TMEM68: variants seen among roughly 807,000 people sequenced by gnomAD.
TMEM68 encodes the protein DGAT1/2-independent enzyme synthesizing storage lipids.
Under a neutral mutation model 36.9 loss-of-function variants are expected in TMEM68, and 25 were observed. The ratio of observed to expected loss-of-function variants is 0.68; its 90% confidence interval spans 0.49 to 0.95. The LOEUF (loss-of-function observed/expected upper bound fraction) is 0.95. TMEM68 is among the 40% of genes least tolerant of loss of function. TMEM68 has a pLI of 0.00. For synonymous variants in TMEM68, 131 were observed against 124.4 expected, an observed-to-expected ratio of 1.05 and a Z score of -0.35; for missense variants, 333 against 392.0, an observed-to-expected ratio of 0.85 and a Z score of 1.27.
chr8:55,767,361 G>A (rs1265575959), intron 1 of TMEM68, among the ~76,000 whole-genome samples: 5 of 151,810 alleles, frequency 3.3e-5, no homozygotes, highest in East Asian at 1.9e-4. Flanking sequence ...ATTATTATTC[G>A]CTTGCTTGTG....
chr8:55,743,368 G>A lies in TMEM68; in HGVS notation c.888+113C>T, dbSNP rs76192918. On this transcript the variant is annotated intron_variant, in intron 7 of 7. Coordinates refer to ENST00000434581, the MANE Select transcript of TMEM68 (RefSeq NM_001286657.2). ...AGGGTATACAATCACCTCTGGTTGAGAACCACTGACCTAGACATGCTTGTA... is the reference window on the plus strand; with the variant it reads ...AGGGTATACAATCACCTCTGGTTGAAAACCACTGACCTAGACATGCTTGTA... 1,168 of 1,315,472 alleles carry A rather than the reference G, an allele frequency of 8.9e-4. 13 individuals carry two copies. The African/African-American group carries it at 0.016, about 18-fold the overall frequency. The allele number at this position is 1,315,472 out of a possible 1,614,324, so 81.5% of individuals were successfully genotyped here.
intron 1 of TMEM68, among the ~76,000 whole-genome samples, chr8:55,768,785 G>A (rs1180405014): frequency 1.3e-5 from 2 of 151,808 alleles, no homozygotes; most frequent in African/African-American, 2.4e-5. Flanking sequence ...GGTGGAGAGT[G>A]CAGTGAGCCG....
chr8:55,767,269 C>T (rs772442082), intron 1 of TMEM68, among the ~76,000 whole-genome samples: 12 of 152,260 alleles, frequency 7.9e-5, no homozygotes, highest in Middle Eastern at 3.4e-3. Flanking sequence ...TTATTATTCA[C>T]TTATAAGCAT....
chr8:55,750,184 TA>T (rs1315485989), intron 5 of TMEM68, among the ~76,000 whole-genome samples: 1 of 152,210 alleles, frequency 6.6e-6, no homozygotes, highest in African/African-American at 2.4e-5. Context: ...AATTTTTGTA[TA>T]ACTGCATATA....
rs372665916 is a variant in TMEM68 at position 55,760,141 on chromosome 8, T to C, written c.325+2494A>G. On this transcript the variant is annotated intron_variant, in intron 3 of 7. Coordinates refer to ENST00000434581, the MANE Select transcript of TMEM68 (RefSeq NM_001286657.2). ...ATATGGCTACCAAGGCCAACAAATT[T>C]ACTTCTTACAGCAACGCTGTGCTGT... 3.0e-4 allele frequency among the ~76,000 whole-genome samples: 45 copies of C among 152,386 alleles called. 1 individual carries two copies. The Middle Eastern group carries it at 0.01, about 35-fold the overall frequency.
chr8:55,753,558 C>G (rs11988609), intron 4 of TMEM68, among the ~76,000 whole-genome samples: 1,995 of 152,180 alleles, frequency 0.013, 40 homozygotes, highest in African/African-American at 0.046. Flanking sequence ...CATGGATACC[C>G]AAAGCATTAA....
chr8:55,765,418 A>T (rs1810933961), intron 1 of TMEM68, among the ~76,000 whole-genome samples: 1 of 152,208 alleles, frequency 6.6e-6, no homozygotes, highest in Non-Finnish European at 1.5e-5. Context: ...CATGTACGGT[A>T]ACCCCTGTGC....
rs766324081 is a variant in TMEM68, at chr8:55,751,027, T to C, written c.624A>G (p.Glu208=). 6.2e-7 allele frequency: 1 copy of C among 1,613,998 alleles called. No homozygotes were observed. Among genetic ancestry groups the C allele is most frequent in the Non-Finnish European group, 8.5e-7 (1 of 1,180,006 alleles). Residue 208 remains glutamate, a synonymous_variant, in exon 5 of 8, where the codon GAA becomes GAG. Transcript: ENST00000434581. ...GATGACCCCATACGATGTTATAAGT[T>C]TCATCACTAATTAGGGCTTCTCGAA... is the stretch of plus-strand genomic sequence containing the variant. ...GGVREALISD[E]TYNIVWGHRR...
chr8:55,769,460 G>T, intron 1 of TMEM68, among the ~76,000 whole-genome samples: 1 of 152,066 alleles, frequency 6.6e-6, no homozygotes, highest in East Asian at 1.9e-4. Flanking sequence ...GGCCAAAGGG[G>T]ACAGGATACA....
chr8:55,761,047 A>C (rs1810775220), intron 3 of TMEM68: 1 of 152,216 alleles, frequency 6.6e-6, no homozygotes, highest in Non-Finnish European at 1.5e-5. Flanking sequence ...TACTCACATA[A>C]TACCAAACCA....
At position 55,751,142 on chromosome 8, in the gene TMEM68, A is replaced by G. The variant is rs776262514; in HGVS notation, c.509T>C (p.Leu170Pro). The G allele has an allele frequency of 6.2e-7, 1 of 1,604,838 alleles. No individual in the cohort carries two copies. The change falls in exon 5 of 8, where the codon CTG becomes CCG. Residue 170 changes from leucine (L) to proline (P), a missense_variant. Physicochemically the swap from Leu to Pro is moderately conservative, Grantham distance 98. Transcript: ENST00000434581. ...TCCATGTAGAGCACAAAACACATCC[A>G]GTAATAAACTAAACCCTGTAAGAAA... ...VFKIPGFSLL[L>P]DVFCALHGPR...
intron 4 of TMEM68, among the ~76,000 whole-genome samples, chr8:55,752,306 G>C (rs1463390317): frequency 6.6e-6 from 1 of 152,118 alleles, no homozygotes; most frequent in East Asian, 1.9e-4. Flanking sequence ...ATAATTGTCA[G>C]ACCGGGTGTG....
In TMEM68 at chr8:55,740,228, A is replaced by G; in HGVS notation, c.889-10T>C. The G allele has an allele frequency of 1.9e-6, 3 of 1,603,364 alleles. No homozygotes were observed. The highest frequency in any genetic ancestry group is 2.6e-6 in the Non-Finnish European group (3 of 1,172,398). ...GAACAGCATTCTTCGTCTATTAAGA[A>G]AACAAAAGAAAAGCTATTGTTAGTA... On this transcript the variant is annotated splice_polypyrimidine_tract_variant and intron_variant, in intron 7 of 7. Transcript: ENST00000434581.
Position 55,738,938 on chromosome 8 carries a change from A to C in TMEM68, c.*1194T>G, listed in dbSNP as rs956162014. The C allele has an allele frequency of 2.0e-5, 3 of 152,586 alleles. No individual in the cohort carries two copies. Among genetic ancestry groups the C allele is most frequent in the Non-Finnish European group, 4.4e-5 (3 of 68,034 alleles). 9.5% of individuals were successfully genotyped at this position (152,586 alleles called of 1,614,324 possible). On this transcript the variant is annotated 3_prime_UTR_variant, in exon 8 of 8. Coordinates refer to ENST00000434581, the MANE Select transcript of TMEM68 (RefSeq NM_001286657.2). ...TAAATTCAGTTTTCAAGAAGACAACAAATTGAAAATCATTAATTTTTCAGA... is the reference window on the plus strand; with the variant it reads ...TAAATTCAGTTTTCAAGAAGACAACCAATTGAAAATCATTAATTTTTCAGA...
At chr8:55,754,562 T>C (rs925198823) in intron 4 of TMEM68, among the ~76,000 whole-genome samples, 10 of 137,918 alleles carry the variant, frequency 7.3e-5, no homozygotes, top group Admixed American at 3.2e-4. Context: ...TACATACATA[T>C]TATATATTTA....
intron 4 of TMEM68, 133 bp from the exon 5 acceptor site, chr8:55,751,290 C>CA: frequency 1.3e-6 from 1 of 782,500 alleles, no homozygotes; most frequent in Non-Finnish European, 1.9e-6. Context: ...TTAAAATCAA[C>CA]AAAAACTCTA....
In TMEM68 at chr8:55,750,866, G is replaced by A. The variant is rs112579317; in HGVS notation, c.687+98C>T. ...ATACTAATTTTTAAGGTATTGCAGC[G>A]AAAGTGTCTAAGTTCTTATACAATT... On this transcript the variant is annotated intron_variant, in intron 5 of 7. Transcript: ENST00000434581. 3,889 of 1,227,870 alleles carry A rather than the reference G, an allele frequency of 3.2e-3. 99 individuals carry two copies. The African/African-American group carries it at 0.051, about 16-fold the overall frequency. 76.1% of individuals were successfully genotyped at this position (1,227,870 alleles called of 1,614,324 possible).
intron 6 of TMEM68, 146 bp downstream of exon 6, chr8:55,744,915 A>T: frequency 2.1e-6 from 1 of 476,144 alleles, no homozygotes. Flanking sequence ...AGAACTAGTT[A>T]TCATTTGGAC....
chr8:55,756,727 G>A lies in TMEM68; in HGVS notation c.326-316C>T, dbSNP rs1356411158. Among the ~76,000 whole-genome samples, 5 of 152,072 alleles carry A rather than the reference G, an allele frequency of 3.3e-5. No homozygotes were observed. The East Asian group carries it at 9.7e-4, about 29-fold the overall frequency. ...TCAGAACCAGAGCAGAGTCACGAGGGCACTGCACAGAAGAGAGCCTATCAC... is the reference window on the plus strand; with the variant it reads ...TCAGAACCAGAGCAGAGTCACGAGGACACTGCACAGAAGAGAGCCTATCAC... On this transcript the variant is annotated intron_variant, in intron 3 of 7. Transcript: ENST00000434581.
Sources: allele counts gnomAD v4.1 joint callset (sites outside exome capture counted in the v4.1 genomes callset), GRCh38; gene constraint gnomAD v4.1.1; transcripts MANE v1.5; gene names NCBI Gene and HGNC (gene_info 2026-07-23, HGNC 2026-07-21).